NXPE2: variants seen among roughly 807,000 people sequenced by gnomAD.
The protein encoded by NXPE2 is neurexophilin and PC-esterase domain family member 2.
A neutral mutation model predicts 34.4 loss-of-function variants in NXPE2; 34 were observed. That is an observed-to-expected ratio of 0.99 (90% CI 0.75 to 1.31). The LOEUF (loss-of-function observed/expected upper bound fraction) is 1.31, where lower values mean the gene tolerates loss of function less well. NXPE2 is among the 40% of genes most tolerant of loss of function. The probability of loss-of-function intolerance (pLI) is 0.00; values close to 1 mark genes in which losing one functional copy is unlikely to be tolerated. For synonymous variants in NXPE2, 235 were observed against 231.3 expected (o/e 1.02, Z -0.15); for missense variants, 649 against 672.5 (o/e 0.97, Z 0.39).
the NXPE2 span, among the ~76,000 whole-genome samples, chr11:114,640,360 A>G: frequency 6.7e-6 from 1 of 149,562 alleles, no homozygotes; most frequent in Non-Finnish European, 1.5e-5. Flanking sequence ...TAGCATATAT[A>G]TGCTACTGTT....
the NXPE2 span, among the ~76,000 whole-genome samples, chr11:114,663,586 C>CATCTATCTATCTATCT: frequency 5.0e-4 from 67 of 132,988 alleles, no homozygotes; most frequent in Non-Finnish European, 6.5e-4. Flanking sequence ...CTCTATCTAT[C>CATCTATCTATCTATCT]ATCTATCTAT....
At chr11:114,776,413 C>T in the NXPE2 span, among the ~76,000 whole-genome samples, 15 of 152,358 alleles carry the variant, frequency 9.8e-5, no homozygotes, top group South Asian at 1.4e-3. Flanking sequence ...CCTTGCCTTG[C>T]GTGAAGCGCA....
chr11:114,789,448 T>G, the NXPE2 span, among the ~76,000 whole-genome samples: 6 of 152,200 alleles, frequency 3.9e-5, no homozygotes, highest in African/African-American at 1.4e-4. Context: ...CTCTCTAGCA[T>G]AGACACTACC....
the NXPE2 span, among the ~76,000 whole-genome samples, chr11:114,724,310 TGA>T: frequency 9.1e-3 from 1,387 of 152,264 alleles, 20 homozygotes; most frequent in African/African-American, 0.031. Flanking sequence ...CCCTCACCCC[TGA>T]GTGGACTGCA....
the NXPE2 span, among the ~76,000 whole-genome samples, chr11:114,476,413 C>T: frequency 3.3e-5 from 5 of 152,108 alleles, no homozygotes; most frequent in African/African-American, 4.8e-5. Context: ...CCTCTTCTTC[C>T]AGTTATAAAA....
At chr11:114,809,340 C>T in the NXPE2 span, among the ~76,000 whole-genome samples, 1 of 151,742 alleles carries the variant, frequency 6.6e-6, no homozygotes, top group Non-Finnish European at 1.5e-5. Flanking sequence ...GAAATTCTGG[C>T]CTGAGCAATC....
At chr11:114,555,620 A>T in the NXPE2 span, among the ~76,000 whole-genome samples, 1 of 151,982 alleles carries the variant, frequency 6.6e-6, no homozygotes, top group East Asian at 1.9e-4. Context: ...TATTACCACC[A>T]CCCCAAAGTT....
At chr11:114,668,010 T>G in the NXPE2 span, among the ~76,000 whole-genome samples, 12 of 151,920 alleles carry the variant, frequency 7.9e-5, no homozygotes, top group East Asian at 2.4e-3. Context: ...TTTGTAACAG[T>G]GAGGTTGAGG....
chr11:114,737,599 T>C, the NXPE2 span, among the ~76,000 whole-genome samples: 1 of 152,170 alleles, frequency 6.6e-6, no homozygotes, highest in African/African-American at 2.4e-5. Flanking sequence ...GCTATTATCC[T>C]CATTTTGTGG....
the NXPE2 span, among the ~76,000 whole-genome samples, chr11:114,468,435 C>G: frequency 3.5e-4 from 53 of 152,290 alleles, no homozygotes; most frequent in African/African-American, 1.2e-3. Context: ...GCTAGTGGCC[C>G]AGAAACGAGA....
At chr11:114,663,626 T>C in the NXPE2 span, among the ~76,000 whole-genome samples, 2 of 55,560 alleles carry the variant, frequency 3.6e-5, no homozygotes, top group Non-Finnish European at 8.5e-5. Context: ...TCTATCTATC[T>C]ATCTATCTAT....
the NXPE2 span, among the ~76,000 whole-genome samples, chr11:114,586,490 C>T: frequency 6.6e-5 from 10 of 152,300 alleles, no homozygotes; most frequent in South Asian, 2.1e-4. Context: ...AAAAAGTTAG[C>T]GTGGCTACCA....
chr11:114,546,687 T>C, the NXPE2 span, among the ~76,000 whole-genome samples: 1 of 152,046 alleles, frequency 6.6e-6, no homozygotes, highest in Non-Finnish European at 1.5e-5. Flanking sequence ...TAGATCTTTG[T>C]TTCCAATACC....
the NXPE2 span, among the ~76,000 whole-genome samples, chr11:114,630,529 G>T: frequency 6.6e-6 from 1 of 151,528 alleles, no homozygotes; most frequent in African/African-American, 2.4e-5. Context: ...AATTCAAGAT[G>T]GATTAAAGAC....
chr11:114,498,244 GAC>G, the NXPE2 span, among the ~76,000 whole-genome samples: 1 of 151,920 alleles, frequency 6.6e-6, no homozygotes, highest in African/African-American at 2.4e-5. Context: ...TGAAAATAGA[GAC>G]ACATTTATCC....
chr11:114,468,473 C>T, the NXPE2 span, among the ~76,000 whole-genome samples: 1 of 152,198 alleles, frequency 6.6e-6, no homozygotes, highest in Non-Finnish European at 1.5e-5. Flanking sequence ...TGCCACAGAA[C>T]ACTTATTTAA....
At chr11:114,626,223 G>A in the NXPE2 span, among the ~76,000 whole-genome samples, 1 of 152,234 alleles carries the variant, frequency 6.6e-6, no homozygotes, top group South Asian at 2.1e-4. Context: ...TCTGGGGGCA[G>A]GGCACAGACA....
the NXPE2 span, chr11:114,551,468 T>C: frequency 1.7e-6 from 2 of 1,170,256 alleles, no homozygotes; most frequent in Non-Finnish European, 2.1e-6. Flanking sequence ...AGTCACCTTA[T>C]AGGTTCTCTT....
the NXPE2 span, among the ~76,000 whole-genome samples, chr11:114,514,209 A>G: frequency 1.3e-5 from 2 of 152,176 alleles, no homozygotes; most frequent in Non-Finnish European, 2.9e-5. Flanking sequence ...AGATGGATGC[A>G]CAGCATTCTA....
Sources: gnomAD v4.1 joint callset for allele counts (sites outside exome capture counted in the v4.1 genomes callset) on GRCh38, gnomAD v4.1.1 for gene constraint, MANE v1.5 for transcripts, NCBI Gene and HGNC (gene_info 2026-07-23, HGNC 2026-07-21) for gene names.